Variants in ZNF385D observed in about 807,000 individuals in gnomAD.
ZNF385D encodes zinc finger protein 659.
Under a neutral mutation model 35.8 loss-of-function variants are expected in ZNF385D, and 15 were observed. That is an observed-to-expected ratio of 0.42 (90% CI 0.28 to 0.64). The LOEUF is 0.64. ZNF385D is among the 30% of genes least tolerant of loss of function. The probability of loss-of-function intolerance (pLI) is 0.23; values close to 1 mark genes in which losing one functional copy is unlikely to be tolerated. For missense variants in ZNF385D, 474 were observed against 494.6 expected (o/e 0.96, Z 0.39); for synonymous variants, 212 against 186.8 (o/e 1.13, Z -1.10).
intron 1 of ZNF385D, among the ~76,000 whole-genome samples, chr3:21,695,458 T>C (rs2067436637): frequency 1.3e-5 from 2 of 152,142 alleles, no homozygotes; most frequent in Non-Finnish European, 2.9e-5. Context: ...AAAGGTTGGG[T>C]TGCAGATGTG....
intron 2 of ZNF385D, among the ~76,000 whole-genome samples, chr3:22,228,114 A>C (rs1360137243): frequency 6.6e-6 from 1 of 152,206 alleles, no homozygotes; most frequent in Non-Finnish European, 1.5e-5. Context: ...GTAAGATAGC[A>C]GAGATGGTAG....
intron 3 of ZNF385D, among the ~76,000 whole-genome samples, chr3:22,034,352 G>T (rs1344870587): frequency 3.3e-5 from 5 of 152,080 alleles, no homozygotes; most frequent in African/African-American, 1.2e-4. Context: ...ATGAGAACCT[G>T]ACCATGCCAG....
intron 3 of ZNF385D, among the ~76,000 whole-genome samples, chr3:22,027,895 A>C (rs1017510873): frequency 1.3e-5 from 2 of 152,174 alleles, no homozygotes; most frequent in Non-Finnish European, 2.9e-5. Flanking sequence ...ATGGTTCTGC[A>C]CTATATGCAG....
Position 22,330,444 on chromosome 3 carries a change from TGTTGA to T in ZNF385D, c.106+42001_106+42005del, listed in dbSNP as rs571584259. ...CATTTAGGTAGGAGTTGTTTATTCT[TGTTGA>T]GTTATTTTTGTTGATGTCTTCACCC... On this transcript the variant is annotated intron_variant, in intron 2 of 5. Coordinates refer to the ZNF385D transcript ENST00000494108. 1.1e-4 allele frequency among the ~76,000 whole-genome samples: 16 copies of T among 152,292 alleles called. No individual in the cohort carries two copies. In the South Asian group the frequency reaches 2.7e-3, roughly 26 times the overall value.
At chr3:22,300,448 T>C (rs1238942692) in intron 2 of ZNF385D, among the ~76,000 whole-genome samples, 1 of 151,248 alleles carries the variant, frequency 6.6e-6, no homozygotes, top group Non-Finnish European at 1.5e-5. Flanking sequence ...AATGAGATGA[T>C]ATCAAAGTAA....
At chr3:22,238,479 C>T (rs1212581658) in intron 2 of ZNF385D, among the ~76,000 whole-genome samples, 1 of 150,756 alleles carries the variant, frequency 6.6e-6, no homozygotes, top group African/African-American at 2.5e-5. Flanking sequence ...GGATTTTTTT[C>T]AACTTCTTTT....
chr3:22,152,517 G>A (rs1044122251), intron 3 of ZNF385D, among the ~76,000 whole-genome samples: 8 of 152,152 alleles, frequency 5.3e-5, no homozygotes, highest in Non-Finnish European at 7.4e-5. Flanking sequence ...TGTAAGGGAA[G>A]AATCTGTTTC....
chr3:21,912,570 T>C (rs989194896), intron 3 of ZNF385D, among the ~76,000 whole-genome samples: 8 of 152,110 alleles, frequency 5.3e-5, no homozygotes, highest in African/African-American at 1.2e-4. Context: ...CTCCAGTGGA[T>C]TGCTATAGTG....
chr3:22,332,143 G>A (rs1292172426), intron 2 of ZNF385D, among the ~76,000 whole-genome samples: 2 of 152,092 alleles, frequency 1.3e-5, no homozygotes, highest in African/African-American at 2.4e-5. Context: ...TTAAGAGGAG[G>A]CCTAACAAGA....
chr3:22,305,588 A>T (rs1301040764), intron 2 of ZNF385D, among the ~76,000 whole-genome samples: 1 of 152,136 alleles, frequency 6.6e-6, no homozygotes, highest in South Asian at 2.1e-4. Context: ...ATAGCACAGG[A>T]AAAAGAGTAT....
intron 3 of ZNF385D, among the ~76,000 whole-genome samples, chr3:21,555,215 G>GTTTTTT (rs35875777): frequency 7.1e-6 from 1 of 141,178 alleles, no homozygotes. Context: ...GGCAATTGTA[G>GTTTTTT]TTTTTTTTTT....
At chr3:21,580,690 TAATATATA>T (rs2063629807) in intron 2 of ZNF385D, among the ~76,000 whole-genome samples, 2 of 142,204 alleles carry the variant, frequency 1.4e-5, no homozygotes. Context: ...AATTCCAAGA[TAATATATA>T]TATATGAAAT....
At chr3:22,190,918 T>C (rs1016577906) in intron 2 of ZNF385D, among the ~76,000 whole-genome samples, 3 of 152,112 alleles carry the variant, frequency 2.0e-5, no homozygotes, top group African/African-American at 7.2e-5. Context: ...ATTTCTAAAA[T>C]GTAAAATCAT....
rs535476102 is a variant in ZNF385D, at chr3:21,767,144, A to T, written c.326-102116T>A. Among the ~76,000 whole-genome samples, 4 of 151,852 alleles carry T rather than the reference A, an allele frequency of 2.6e-5. No individual in the cohort carries two copies. In the South Asian group the frequency reaches 8.3e-4, roughly 32 times the overall value. On this transcript the variant is annotated intron_variant, in intron 3 of 5. Transcript: ENST00000494108. The stretch of plus-strand genomic sequence containing the variant: ...AAATTGAAACAGAATTTGGTAGCAA[A>T]TATTGTCAATTGAGAGTCTTATGGA...
intron 3 of ZNF385D, among the ~76,000 whole-genome samples, chr3:21,809,958 A>G (rs978337772): frequency 2.0e-5 from 3 of 152,170 alleles, no homozygotes; most frequent in African/African-American, 7.2e-5. Context: ...GTTCTCACAA[A>G]CATTTCAAGA....
intron 2 of ZNF385D, among the ~76,000 whole-genome samples, chr3:22,172,114 A>G (rs971259683): frequency 6.6e-6 from 1 of 152,174 alleles, no homozygotes; most frequent in African/African-American, 2.4e-5. Context: ...ATAATTTATC[A>G]ATTTGTCCAC....
intron 3 of ZNF385D, among the ~76,000 whole-genome samples, chr3:21,902,413 T>C (rs1460982242): frequency 6.6e-6 from 1 of 152,162 alleles, no homozygotes; most frequent in Non-Finnish European, 1.5e-5. Flanking sequence ...TCCAGAGGGA[T>C]GATGTGACTT....
chr3:22,299,477 C>T (rs1007800465), intron 2 of ZNF385D, among the ~76,000 whole-genome samples: 1 of 151,256 alleles, frequency 6.6e-6, no homozygotes, highest in Non-Finnish European at 1.5e-5. Flanking sequence ...AAAAAGAAAA[C>T]AAAAGTAAAA....
At chr3:22,252,157 ATAT>A (rs1182623938) in intron 2 of ZNF385D, among the ~76,000 whole-genome samples, 2 of 152,034 alleles carry the variant, frequency 1.3e-5, no homozygotes, top group Non-Finnish European at 2.9e-5. Context: ...GACTGTGATA[ATAT>A]TATTTGCCTC....
Sources: allele counts gnomAD v4.1 joint callset (sites outside exome capture counted in the v4.1 genomes callset), GRCh38; gene constraint gnomAD v4.1.1; transcripts MANE v1.5; gene names NCBI Gene and HGNC (gene_info 2026-07-23, HGNC 2026-07-21).